Variants in ANKRD12 observed in about 807,000 individuals in gnomAD.
ANKRD12 encodes the protein ankyrin repeat domain-containing protein 12.
In ANKRD12, 85 loss-of-function variants were observed where a neutral mutation model predicts 183.4. The ratio of observed to expected loss-of-function variants is 0.46; its 90% CI spans 0.39 to 0.56. The LOEUF (loss-of-function observed/expected upper bound fraction) is 0.56. Among genes scored for constraint, ANKRD12 ranks in the 20% least tolerant of loss-of-function variants. The pLI is 0.00. For missense variants in ANKRD12, 2,405 were observed against 2,357.1 expected, an observed-to-expected ratio of 1.02 and a Z score of -0.42; for synonymous variants, 914 against 800.2, an observed-to-expected ratio of 1.14 and a Z score of -2.40.
chr18:9,165,010 C>T (rs1457505060), intron 1 of ANKRD12, among the ~76,000 whole-genome samples: 1 of 152,068 alleles, frequency 6.6e-6, no homozygotes, highest in Non-Finnish European at 1.5e-5. Context: ...TAAAGTCTCC[C>T]ACTATTATTA....
chr18:9,182,603 G>A (rs1284082620), intron 2 of ANKRD12, 84 bp downstream of exon 2: 2 of 873,958 alleles, frequency 2.3e-6, no homozygotes, highest in Non-Finnish European at 3.4e-6. Context: ...TTTCTCGTAA[G>A]ATAAAAACCA....
chr18:9,193,243 G>T (rs1233683841), intron 2 of ANKRD12, among the ~76,000 whole-genome samples: 2 of 148,054 alleles, frequency 1.4e-5, no homozygotes, highest in East Asian at 4.1e-4. Context: ...AGCTCAAGCA[G>T]TCCTCCTGCC....
chr18:9,255,813 A>T lies in ANKRD12; in HGVS notation c.2546A>T (p.His849Leu). ...TTTGAAAAAGAAAAGAAGATAAAACATGAGCATAAGTCAGAAAAAGACAAA... is the reference window on the plus strand; with the variant it reads ...TTTGAAAAAGAAAAGAAGATAAAACTTGAGCATAAGTCAGAAAAAGACAAA... ...KTFEKEKKIK[H>L]EHKSEKDKLD... Residue 849 changes from histidine (H) to leucine (L), a missense_variant, in exon 9 of 13, where the codon CAT becomes CTT. His to Leu is a moderately conservative substitution (Grantham distance 99, BLOSUM62 -3). Coordinates refer to ENST00000262126, the MANE Select transcript of ANKRD12 (RefSeq NM_015208.5). The T allele has an allele frequency of 6.3e-7, 1 of 1,575,838 alleles. No individual in the cohort carries two copies. Among genetic ancestry groups the T allele is most frequent in the African/African-American group, 1.4e-5 (1 of 72,518 alleles).
At chr18:9,229,428 T>G (rs949507507) in intron 8 of ANKRD12, among the ~76,000 whole-genome samples, 2 of 152,194 alleles carry the variant, frequency 1.3e-5, no homozygotes, top group Admixed American at 6.5e-5. Context: ...TCTATGAGCA[T>G]GGGAGGTTTT....
intron 2 of ANKRD12, among the ~76,000 whole-genome samples, chr18:9,191,171 T>G (rs1471432763): frequency 6.6e-6 from 1 of 152,210 alleles, no homozygotes; most frequent in Non-Finnish European, 1.5e-5. Flanking sequence ...TAATGTTAAA[T>G]GAAAAAGACT....
In ANKRD12 at chr18:9,285,291, C is replaced by G. The variant is rs933277299; in HGVS notation, c.*4165C>G. On this transcript the variant is annotated 3_prime_UTR_variant, in exon 13 of 13. Coordinates refer to ENST00000262126, the MANE Select transcript of ANKRD12 (RefSeq NM_015208.5). ...ACTAAAAATACAAAAATTAGCCAAG[C>G]GTGACGGTGCCTGCCTGTAGTCCTA... is the stretch of plus-strand genomic sequence containing the variant. 2 of 151,146 alleles carry G rather than the reference C, an allele frequency of 1.3e-5. No homozygotes were observed. Among genetic ancestry groups the G allele is most frequent in the South Asian group, 4.2e-4 (2 of 4,808 alleles). The allele number at this position is 151,146 out of a possible 1,614,324, so 9.4% of individuals were successfully genotyped here.
chr18:9,218,086 GA>G (rs2036211921), intron 7 of ANKRD12, among the ~76,000 whole-genome samples: 2 of 152,152 alleles, frequency 1.3e-5, no homozygotes, highest in Admixed American at 1.3e-4. Context: ...TACCAAGAAT[GA>G]ATGATTTTCC....
At chr18:9,238,106 C>T (rs894285996) in intron 8 of ANKRD12, among the ~76,000 whole-genome samples, 9 of 152,182 alleles carry the variant, frequency 5.9e-5, no homozygotes, top group African/African-American at 2.2e-4. Flanking sequence ...CCATATTCTT[C>T]CTAAAATTCT....
rs968635834 is a variant in ANKRD12, at chr18:9,256,651, T to A, written c.3384T>A (p.His1128Gln). The A allele has an allele frequency of 1.2e-6, 2 of 1,608,518 alleles. No individual in the cohort carries two copies. The highest frequency in any genetic ancestry group is 2.7e-5 in the African/African-American group (2 of 74,354). Reference protein sequence around the residue: ...LKIKDKEKTKHTPTESKNKEL... With the variant: ...LKIKDKEKTKQTPTESKNKEL... ...TAAAAGATAAAGAAAAAACAAAGCA[T>A]ACACCAACTGAATCCAAAAATAAAG... The change falls in exon 9 of 13, where the codon CAT becomes CAA. Residue 1128 changes from histidine to glutamine, a missense_variant. His to Gln is a conservative substitution (Grantham distance 24). Around this residue, in one of 7 missense-constraint regions of ANKRD12, gnomAD observed 1,983 missense variants for 1,725.9 expected, o/e 1.15. Coordinates refer to ENST00000262126, the MANE Select transcript of ANKRD12 (RefSeq NM_015208.5).
In ANKRD12 at chr18:9,255,725, GAAA is replaced by G; in HGVS notation, c.2461_2463del (p.Lys821del). The G allele has an allele frequency of 6.3e-7, 1 of 1,594,038 alleles. No homozygotes were observed. The highest frequency in any genetic ancestry group is 8.5e-7 in the Non-Finnish European group (1 of 1,174,808). On this transcript the variant is annotated inframe_deletion, in exon 9 of 13. Coordinates refer to ENST00000262126, the MANE Select transcript of ANKRD12 (RefSeq NM_015208.5). ...AGAAAAGCATATAAAGGAAAGTAAA[GAAA>G]AACCTGAGAAGCGATCTCAAATTAA...
At chr18:9,259,548 C>T (rs912703965) in intron 9 of ANKRD12, 1 of 152,132 alleles carries the variant, frequency 6.6e-6, no homozygotes, top group Non-Finnish European at 1.5e-5. Context: ...TCAAGTTTGA[C>T]TTCCTTGAAA....
chr18:9,262,559 A>G (rs1157642519), intron 9 of ANKRD12, among the ~76,000 whole-genome samples: 1 of 151,962 alleles, frequency 6.6e-6, no homozygotes. Context: ...TTCTGGACTC[A>G]AGCTATCCTC....
At chr18:9,226,235 G>A (rs532445796) in intron 8 of ANKRD12, among the ~76,000 whole-genome samples, 1 of 152,110 alleles carries the variant, frequency 6.6e-6, no homozygotes, top group African/African-American at 2.4e-5. Flanking sequence ...ACTAGCCTGG[G>A]CAACATGATG....
chr18:9,226,359 A>AAGTTGC (rs1398460146), intron 8 of ANKRD12, among the ~76,000 whole-genome samples: 1 of 152,096 alleles, frequency 6.6e-6, no homozygotes, highest in Non-Finnish European at 1.5e-5. Context: ...TGGGAGGCAG[A>AAGTTGC]AGTTGCAGTA....
At chr18:9,173,628 A>AGGGGGGGG (rs775694472) in intron 1 of ANKRD12, among the ~76,000 whole-genome samples, 2 of 51,254 alleles carry the variant, frequency 3.9e-5, no homozygotes, top group African/African-American at 1.5e-4. Flanking sequence ...GGGGGGGGGT[A>AGGGGGGGG]GGGGGGGCAG....
At chr18:9,175,523 CTTTTTTTTTTTTTTT>C (rs33944736) in intron 1 of ANKRD12, among the ~76,000 whole-genome samples, 2 of 53,302 alleles carry the variant, frequency 3.8e-5, no homozygotes, top group African/African-American at 7.7e-5. Context: ...AAAGGCTCCT[CTTTTTTTTTTTTTTT>C]TTTTTTTTTT....
At position 9,275,647 on chromosome 18, in the gene ANKRD12, A is replaced by G; in HGVS notation, c.5887A>G (p.Asn1963Asp). 6.3e-7 allele frequency: 1 copy of G among 1,594,426 alleles called. No homozygotes were observed. The highest frequency in any genetic ancestry group is 8.6e-7 in the Non-Finnish European group (1 of 1,166,008). Reference sequence around the variant, plus strand: ...TGTTTTGCTGGATGCCGAAGTATACAATGTACCATTGGACTCTCAGGTAAA... The same window carrying G: ...TGTTTTGCTGGATGCCGAAGTATACGATGTACCATTGGACTCTCAGGTAAA... The part of the protein sequence containing the change: ...CTVLLDAEVY[N>D]VPLDSQSDDS... Residue 1963 changes from asparagine (N) to aspartate (D), a missense_variant, in exon 11 of 13, where the codon AAT (asparagine) becomes GAT (aspartate). By Grantham distance (23) the Asn-to-Asp change is conservative. This residue lies in a region of ANKRD12 where 162 missense variants were observed against 272.2 expected (regional missense o/e 0.60). Coordinates refer to ENST00000262126, the MANE Select transcript of ANKRD12 (RefSeq NM_015208.5).
intron 1 of ANKRD12, among the ~76,000 whole-genome samples, chr18:9,149,177 C>CT (rs2078595849): frequency 6.6e-6 from 1 of 152,206 alleles, no homozygotes; most frequent in East Asian, 1.9e-4. Flanking sequence ...ACTAAATTGT[C>CT]TTTTTTCTGT....
chr18:9,275,785 G>A, intron 11 of ANKRD12, 118 bp downstream of exon 11: 5 of 1,037,684 alleles, frequency 4.8e-6, no homozygotes, highest in African/African-American at 1.6e-5. Flanking sequence ...GGTCAAAGAA[G>A]AAAAAAAACT....
Sources: gnomAD v4.1 joint callset for allele counts (sites outside exome capture counted in the v4.1 genomes callset) on GRCh38, gnomAD v4.1.1 for gene constraint, gnomAD v4.1.1 regional missense constraint, MANE v1.5 for transcripts, NCBI Gene and HGNC (gene_info 2026-07-23, HGNC 2026-07-21) for gene names.